Variants in CPNE5 observed in about 807,000 individuals in gnomAD.
CPNE5 encodes the protein copine 5.
A neutral mutation model predicts 81.1 loss-of-function variants in CPNE5; 42 were observed. The ratio of observed to expected loss-of-function variants is 0.52; its 90% CI spans 0.40 to 0.67. The LOEUF is 0.67. Ranked by LOEUF, CPNE5 falls within the 30% of genes least tolerant of loss-of-function variation. CPNE5 has a pLI of 0.00. For missense variants in CPNE5, 612 were observed against 815.5 expected, an observed-to-expected ratio of 0.75 and a Z score of 3.04; for synonymous variants, 313 against 321.5, an observed-to-expected ratio of 0.97 and a Z score of 0.28.
At chr6:36,831,839 G>T (rs1773014785) in intron 1 of CPNE5, among the ~76,000 whole-genome samples, 1 of 152,144 alleles carries the variant, frequency 6.6e-6, no homozygotes, top group South Asian at 2.1e-4. Context: ...ATGTGGACAG[G>T]ACCAGTATTT....
intron 9 of CPNE5, 52 bp from the exon 10 acceptor site, chr6:36,775,117 C>G (rs372394253): frequency 7.3e-7 from 1 of 1,373,536 alleles, no homozygotes; most frequent in African/African-American, 1.4e-5. Flanking sequence ...CCAAGGGAGG[C>G]GAATGCAGGT....
At chr6:36,786,290 G>A (rs61371321) in intron 8 of CPNE5, among the ~76,000 whole-genome samples, 3,707 of 152,240 alleles carry the variant, frequency 0.024, 169 homozygotes, top group African/African-American at 0.086. Flanking sequence ...GAAACCTGGG[G>A]CGTCAGCGAA....
intron 8 of CPNE5, among the ~76,000 whole-genome samples, chr6:36,780,633 C>T (rs1305538942): frequency 6.6e-6 from 1 of 152,198 alleles, no homozygotes; most frequent in East Asian, 1.9e-4. Context: ...TGTTTCCCCG[C>T]CCAGCCACAG....
intron 3 of CPNE5, among the ~76,000 whole-genome samples, chr6:36,812,701 C>A (rs1672756820): frequency 6.6e-6 from 1 of 152,196 alleles, no homozygotes; most frequent in African/African-American, 2.4e-5. Context: ...TGGTCCTGGA[C>A]TGCCTAACCC....
chr6:36,796,757 A>G (rs1417172523), intron 6 of CPNE5, among the ~76,000 whole-genome samples: 2 of 152,138 alleles, frequency 1.3e-5, no homozygotes, highest in Non-Finnish European at 1.5e-5. Context: ...TTCTCAATAA[A>G]TGATAGCTAT....
At chr6:36,795,913 C>G (rs1310221188) in intron 6 of CPNE5, among the ~76,000 whole-genome samples, 1 of 152,102 alleles carries the variant, frequency 6.6e-6, no homozygotes, top group Non-Finnish European at 1.5e-5. Context: ...GGTCCACCTC[C>G]TCCTCCAACA....
chr6:36,794,139 C>T (rs894149474), intron 7 of CPNE5, among the ~76,000 whole-genome samples: 1 of 140,258 alleles, frequency 7.1e-6, no homozygotes, highest in African/African-American at 2.7e-5. Context: ...GAGGAGGAGG[C>T]GGACATCCAG....
chr6:36,822,140 C>A lies in CPNE5; in HGVS notation c.157G>T (p.Gly53Trp). The change falls in exon 3 of 21, where the codon GGG becomes TGG. Residue 53 changes from glycine (G) to tryptophan (W), a missense_variant. Physicochemically the swap from Gly to Trp is radical, Grantham distance 184. Transcript: ENST00000244751. Reference sequence around the variant, plus strand: ...TCCCGCCACTGCTTGTTCTCCATCCCTTGGGTATACATGACGCACACTGCG... The same window carrying A: ...TCCCGCCACTGCTTGTTCTCCATCCATTGGGTATACATGACGCACACTGCG... ...SDPLCVMYTQ[G>W]MENKQWREFG... 6.5e-7 allele frequency: 1 copy of A among 1,537,626 alleles called. No homozygotes were observed. Among genetic ancestry groups the A allele is most frequent in the Non-Finnish European group, 8.8e-7 (1 of 1,136,388 alleles).
At chr6:36,756,419 A>G in intron 12 of CPNE5, 121 bp from the exon 13 acceptor site, 1 of 755,866 alleles carries the variant, frequency 1.3e-6, no homozygotes, top group Admixed American at 2.2e-5. Flanking sequence ...TGGGGTGTGA[A>G]GACCACGGGG....
chr6:36,800,283 G>A lies in CPNE5; in HGVS notation c.184-213C>T, dbSNP rs181809226. Among the ~76,000 whole-genome samples the A allele has an allele frequency of 2.5e-4, 38 of 152,264 alleles. No homozygotes were observed. The East Asian group carries it at 6.6e-3, about 26-fold the overall frequency. On this transcript the variant is annotated intron_variant, in intron 3 of 20. Transcript: ENST00000244751. ...GCCATGTACAGTATGGCTCCAACCC[G>A]TACTGCTTCTTCCCATCTCCATGCA...
chr6:36,827,964 G>C (rs1018150013), intron 1 of CPNE5, among the ~76,000 whole-genome samples: 1 of 152,028 alleles, frequency 6.6e-6, no homozygotes, highest in Non-Finnish European at 1.5e-5. Context: ...TCAAGGCCAG[G>C]AAGCAGAGCC....
At chr6:36,834,516 CG>C (rs1394998539) in intron 1 of CPNE5, among the ~76,000 whole-genome samples, 1 of 151,166 alleles carries the variant, frequency 6.6e-6, no homozygotes, top group African/African-American at 2.4e-5. Flanking sequence ...CTCAGCCGGG[CG>C]TGATGGTGCA....
intron 8 of CPNE5, among the ~76,000 whole-genome samples, chr6:36,785,767 C>T (rs910351452): frequency 6.6e-6 from 1 of 152,122 alleles, no homozygotes; most frequent in African/African-American, 2.4e-5. Context: ...AATCCCAGCA[C>T]TTTGGGAGGC....
At chr6:36,760,217 TA>T (rs3046065) in intron 12 of CPNE5, among the ~76,000 whole-genome samples, 2,864 of 138,404 alleles carry the variant, frequency 0.021, 68 homozygotes, top group African/African-American at 0.057. Flanking sequence ...GACTCCATCT[TA>T]AAAAAAAAAA....
At chr6:36,818,336 T>G (rs1771743504) in intron 3 of CPNE5, among the ~76,000 whole-genome samples, 2 of 152,220 alleles carry the variant, frequency 1.3e-5, no homozygotes, top group South Asian at 4.1e-4. Flanking sequence ...GTTAGGATTG[T>G]TCATCCACAT....
chr6:36,742,797 GAAATGCC>G, intron 20 of CPNE5: 1 of 985,388 alleles, frequency 1.0e-6, no homozygotes, highest in Non-Finnish European at 1.2e-6. Context: ...AGGTGCTTCC[GAAATGCC>G]AACTGAATCC....
At chr6:36,743,789 G>A (rs374469913) in intron 19 of CPNE5, 27 bp from the exon 20 acceptor site, 39 of 1,595,876 alleles carry the variant, frequency 2.4e-5, no homozygotes, top group South Asian at 2.4e-4. Flanking sequence ...GTCATGGGGC[G>A]GGGTGAGATT....
At position 36,753,047 on chromosome 6, in the gene CPNE5, A is replaced by G; in HGVS notation, c.958T>C (p.Tyr320His). Reference sequence around the variant, plus strand: ...ATCTCTTCTCACCCTCCTTTGATGTAGTCAAGGAAGGTGCACTCTGACTCC... The same window carrying G: ...ATCTCTTCTCACCCTCCTTTGATGTGGTCAAGGAAGGTGCACTCTGACTCC... ...AVESECTFLD[Y>H]IKGGTQINFT... Residue 320 changes from tyrosine (Y) to histidine (H), a missense_variant, in exon 14 of 21, where the codon TAC becomes CAC. Coordinates refer to ENST00000244751, the MANE Select transcript of CPNE5 (RefSeq NM_020939.2). 1 of 1,612,614 alleles carries G rather than the reference A, an allele frequency of 6.2e-7. No individual in the cohort carries two copies. Among genetic ancestry groups the G allele is most frequent in the Non-Finnish European group, 8.5e-7 (1 of 1,178,784 alleles).
chr6:36,815,506 A>G (rs1752348109), intron 3 of CPNE5, among the ~76,000 whole-genome samples: 1 of 152,230 alleles, frequency 6.6e-6, no homozygotes, highest in Non-Finnish European at 1.5e-5. Context: ...CCATGTGAGG[A>G]CACAGCAAGA....
Sources: gnomAD v4.1 joint callset for allele counts (sites outside exome capture counted in the v4.1 genomes callset) on GRCh38, gnomAD v4.1.1 for gene constraint, MANE v1.5 for transcripts, NCBI Gene and HGNC (gene_info 2026-07-23, HGNC 2026-07-21) for gene names.